DNM1L: variants seen among roughly 807,000 people sequenced by gnomAD.
The protein encoded by DNM1L is dynamin 1L.
In DNM1L, 33 loss-of-function variants were observed where a neutral mutation model predicts 92.8. The ratio of observed to expected loss-of-function variants is 0.36; its 90% confidence interval spans 0.27 to 0.48. DNM1L has a LOEUF of 0.48. Among genes scored for constraint, DNM1L ranks in the 20% least tolerant of loss-of-function variants. The pLI is 0.99. For missense variants in DNM1L, 485 were observed against 888.8 expected, an observed-to-expected ratio of 0.55 and a Z score of 5.78; for synonymous variants, 284 against 305.0, an observed-to-expected ratio of 0.93 and a Z score of 0.72.
rs1328954993 is a variant in DNM1L, at chr12:32,722,275, A to G, written c.873-152A>G. On this transcript the variant is annotated intron_variant, in intron 8 of 19. Coordinates refer to ENST00000549701, the MANE Select transcript of DNM1L (RefSeq NM_012062.5). ...GGATTTTAGGAGCTGACTGCCAGGAAATGAAGACAAAGACCAAATATATAT... is the reference window on the plus strand; with the variant it reads ...GGATTTTAGGAGCTGACTGCCAGGAGATGAAGACAAAGACCAAATATATAT... The G allele has an allele frequency of 2.2e-5, 15 of 687,502 alleles. No homozygotes were observed. The Admixed American group carries it at 3.7e-4, about 17-fold the overall frequency. 42.6% of individuals were successfully genotyped at this position (687,502 alleles called of 1,614,324 possible).
At chr12:32,702,233 C>CAAAAAAAAAAA (rs1179046487) in intron 2 of DNM1L, among the ~76,000 whole-genome samples, 3 of 81,306 alleles carry the variant, frequency 3.7e-5, no homozygotes, top group African/African-American at 4.2e-5. Context: ...GACTCCGTCT[C>CAAAAAAAAAAA]AAAAAAAAAA....
rs77295431 is a variant in DNM1L, at chr12:32,739,889, G to C, written c.1708-175G>C. On this transcript the variant is annotated intron_variant, in intron 16 of 19. Transcript: ENST00000549701. ...GCAGAACTTCTTTATTATTTAGATA[G>C]GTCAGGGTTCCAGTTATACATGCTA... is the stretch of plus-strand genomic sequence containing the variant. 996 of 733,664 alleles carry C rather than the reference G, an allele frequency of 1.4e-3. 10 individuals are homozygous for C. In the East Asian group the frequency reaches 0.023, roughly 17 times the overall value. The allele number at this position is 733,664 out of a possible 1,614,324, so 45.4% of individuals were successfully genotyped here.
chr12:32,724,663 TAA>T (rs988589498), intron 9 of DNM1L, among the ~76,000 whole-genome samples: 2 of 138,262 alleles, frequency 1.4e-5, no homozygotes, highest in African/African-American at 5.4e-5. Context: ...AATATATATA[TAA>T]AAAATAATAA....
At chr12:32,709,304 T>G (rs2137348960) in intron 4 of DNM1L, among the ~76,000 whole-genome samples, 1 of 152,318 alleles carries the variant, frequency 6.6e-6, no homozygotes, top group African/African-American at 2.4e-5. Flanking sequence ...TTTTTGGCTT[T>G]TGGAATGTTA....
At chr12:32,686,413 C>T (rs954474132) in intron 1 of DNM1L, among the ~76,000 whole-genome samples, 3 of 150,438 alleles carry the variant, frequency 2.0e-5, no homozygotes, top group Non-Finnish European at 4.4e-5. Flanking sequence ...ACATCTCTGT[C>T]TAGGTCCAAA....
chr12:32,719,756 C>G (rs1380600117), intron 7 of DNM1L, among the ~76,000 whole-genome samples: 1 of 152,174 alleles, frequency 6.6e-6, no homozygotes, highest in Non-Finnish European at 1.5e-5. Context: ...TTTAGACACT[C>G]TACTGTGAGC....
At chr12:32,721,963 T>C (rs1253917823) in intron 8 of DNM1L, among the ~76,000 whole-genome samples, 1 of 152,316 alleles carries the variant, frequency 6.6e-6, no homozygotes, top group Non-Finnish European at 1.5e-5. Flanking sequence ...GGGCTGGGCA[T>C]GTGGGAAGGA....
intron 6 of DNM1L, among the ~76,000 whole-genome samples, chr12:32,714,301 C>A (rs564281986): frequency 7.6e-6 from 1 of 131,494 alleles, no homozygotes; most frequent in African/African-American, 2.9e-5. Flanking sequence ...GAGATGGAGT[C>A]TTGCTCTATC....
intron 4 of DNM1L, among the ~76,000 whole-genome samples, chr12:32,709,918 G>A (rs1199187497): frequency 1.3e-5 from 2 of 152,200 alleles, no homozygotes; most frequent in African/African-American, 4.8e-5. Flanking sequence ...TATAGGGAAT[G>A]TGGAGTAAAG....
chr12:32,740,653 G>A, intron 18 of DNM1L, 135 bp downstream of exon 18: 3 of 789,980 alleles, frequency 3.8e-6, no homozygotes, highest in Non-Finnish European at 6.0e-6. Context: ...GATAGTCCTT[G>A]GGTAACTTGT....
intron 9 of DNM1L, among the ~76,000 whole-genome samples, chr12:32,730,357 C>A (rs1287550284): frequency 6.6e-6 from 1 of 151,918 alleles, no homozygotes; most frequent in Non-Finnish European, 1.5e-5. Flanking sequence ...CAGCGAGACT[C>A]CGTCTCAAAA....
chr12:32,712,649 CAAAAAAAAAAAAAA>C (rs59906286), intron 5 of DNM1L, among the ~76,000 whole-genome samples: 8 of 29,782 alleles, frequency 2.7e-4, no homozygotes, highest in African/African-American at 8.1e-4. Context: ...GACCCTGTCT[CAAAAAAAAAAAAAA>C]AAAAAAAAAA....
rs757347374 is a variant in DNM1L at position 32,720,718 on chromosome 12, G to A, written c.795G>A (p.Glu265=). 4 of 1,613,858 alleles carry A rather than the reference G, an allele frequency of 2.5e-6. No homozygotes were observed. The highest frequency in any genetic ancestry group is 2.5e-6 in the Non-Finnish European group (3 of 1,179,896). Residue 265 remains glutamate, a synonymous_variant, in exon 8 of 20, where the codon GAG becomes GAA. Coordinates refer to ENST00000549701, the MANE Select transcript of DNM1L (RefSeq NM_012062.5). ...GTGTAACTGATTCAATCCGTGATGAGTATGCTTTTCTTCAAAAGAAATATC... is the reference window on the plus strand; with the variant it reads ...GTGTAACTGATTCAATCCGTGATGAATATGCTTTTCTTCAAAAGAAATATC... ...KKSVTDSIRD[E]YAFLQKKYPS...
intron 14 of DNM1L, 126 bp downstream of exon 14, chr12:32,737,287 T>A: frequency 2.2e-6 from 2 of 898,772 alleles, no homozygotes; most frequent in Non-Finnish European, 3.5e-6. Flanking sequence ...TGGAACTAAC[T>A]GAGTAAAGGC....
intron 1 of DNM1L, among the ~76,000 whole-genome samples, chr12:32,694,069 A>G (rs1952335578): frequency 6.6e-6 from 1 of 151,672 alleles, no homozygotes; most frequent in African/African-American, 2.4e-5. Flanking sequence ...TTCTAGCTAT[A>G]GATTTGCCTA....
chr12:32,743,403 T>C lies in DNM1L; in HGVS notation c.2204T>C (p.Leu735Pro). The C allele has an allele frequency of 1.2e-6, 2 of 1,613,972 alleles. No individual in the cohort carries two copies. Among genetic ancestry groups the C allele is most frequent in the Non-Finnish European group, 1.7e-6 (2 of 1,179,970 alleles). The change falls in exon 20 of 20, where the codon CTT becomes CCT. Residue 735 changes from leucine (L) to proline (P), a missense_variant. Coordinates refer to ENST00000549701, the MANE Select transcript of DNM1L (RefSeq NM_012062.5). The part of the protein sequence containing the change: ...QIIAEIRETH[L>P]W ...ATTGCTGAAATCCGGGAGACTCATC[T>C]TTGGTGAAGAGAACTATGTAATACT...
chr12:32,718,553 G>A, intron 6 of DNM1L, 90 bp from the exon 7 acceptor site: 1 of 1,539,742 alleles, frequency 6.5e-7, no homozygotes, highest in Non-Finnish European at 8.9e-7. Flanking sequence ...GATTGTAGAT[G>A]AGGGTTTTCC....
intron 1 of DNM1L, among the ~76,000 whole-genome samples, chr12:32,696,629 ACT>A (rs1437026296): frequency 1.4e-5 from 2 of 147,474 alleles, no homozygotes; most frequent in Middle Eastern, 3.3e-3. Flanking sequence ...TAATCAGATT[ACT>A]GTCTTTTTTT....
intron 16 of DNM1L, among the ~76,000 whole-genome samples, chr12:32,738,695 C>T (rs1955078240): frequency 6.6e-6 from 1 of 152,074 alleles, no homozygotes; most frequent in South Asian, 2.1e-4. Context: ...CTATATATAG[C>T]TTCACATATG....
Sources: gnomAD v4.1 joint callset for allele counts (sites outside exome capture counted in the v4.1 genomes callset) on GRCh38, gnomAD v4.1.1 for gene constraint, MANE v1.5 for transcripts, NCBI Gene and HGNC (gene_info 2026-07-23, HGNC 2026-07-21) for gene names.